The following HACD1 variants were observed in gnomAD, a reference collection of about 807,000 sequenced individuals.
HACD1 encodes 3-hydroxyacyl-CoA dehydratase 1, also known as very-long-chain (3R)-3-hydroxyacyl-CoA dehydratase 1.
Under a neutral mutation model 32.0 loss-of-function variants are expected in HACD1, and 41 were observed. The observed-to-expected ratio is 1.28, with a 90% CI of 1.00 to 1.66. HACD1 has a LOEUF of 1.66. Among genes scored for constraint, HACD1 ranks in the 40% most tolerant of loss-of-function variants. HACD1 has a pLI of 0.00. For synonymous variants in HACD1, 142 were observed against 139.0 expected (o/e 1.02, Z -0.15); for missense variants, 396 against 380.1 (o/e 1.04, Z -0.35).
At chr10:17,616,758 G>C (rs1406572669) in intron 1 of HACD1, among the ~76,000 whole-genome samples, 1 of 151,958 alleles carries the variant, frequency 6.6e-6, no homozygotes, top group Non-Finnish European at 1.5e-5. Flanking sequence ...AGGGCTGGGC[G>C]CTCCTTCAAC....
chr10:17,592,984 T>C (rs1293340262), intron 6 of HACD1, among the ~76,000 whole-genome samples: 2 of 152,130 alleles, frequency 1.3e-5, no homozygotes, highest in Non-Finnish European at 2.9e-5. Context: ...GGTGGATCCC[T>C]TGAGGTCAGG....
At position 17,594,287 on chromosome 10, in the gene HACD1, A is replaced by C; in HGVS notation, c.702T>G (p.Phe234Leu). The change falls in exon 6 of 7, where the codon TTT becomes TTG. Residue 234 changes from phenylalanine (F) to leucine (L), a missense_variant. Phe to Leu is a conservative substitution (Grantham distance 22, BLOSUM62 0). Transcript: ENST00000361271. ...ALPHVKKTGM[F>L]SIRLPNKYNV... ...TGTATTTGTTAGGAAGTCTTATTGA[A>C]AACATTCCTGTTTTCTTCACATGCG... The C allele has an allele frequency of 6.2e-7, 1 of 1,603,392 alleles. No homozygotes were observed. Among genetic ancestry groups the C allele is most frequent in the Admixed American group, 1.7e-5 (1 of 58,534 alleles).
chr10:17,614,915 G>A (rs1833051648), intron 1 of HACD1, among the ~76,000 whole-genome samples: 1 of 152,026 alleles, frequency 6.6e-6, no homozygotes, highest in Non-Finnish European at 1.5e-5. Context: ...ATGGCGCCCG[G>A]CTAATTTTTT....
chr10:17,594,443 G>T, intron 5 of HACD1, 60 bp from the exon 6 acceptor site: 1 of 1,274,948 alleles, frequency 7.8e-7, no homozygotes, highest in South Asian at 2.4e-5. Context: ...ACTTTACATT[G>T]CAGGTCTATT....
At chr10:17,601,466 A>G (rs1326396354) in intron 4 of HACD1, among the ~76,000 whole-genome samples, 1 of 152,218 alleles carries the variant, frequency 6.6e-6, no homozygotes. Context: ...CAAAAAATAA[A>G]TAGGAATATT....
Position 17,603,925 on chromosome 10 carries a change from C to G in HACD1, c.375+5G>C. Reference sequence around the variant, plus strand: ...AATAGAAAAACAGCATGATGGAAAACTTACCTCAAGCAAGGCAAATGTCTG... The same window carrying G: ...AATAGAAAAACAGCATGATGGAAAAGTTACCTCAAGCAAGGCAAATGTCTG... On this transcript the variant is annotated splice_donor_5th_base_variant and intron_variant, in intron 2 of 6. Coordinates refer to ENST00000361271, the MANE Select transcript of HACD1 (RefSeq NM_014241.4). 6.3e-7 allele frequency: 1 copy of G among 1,585,980 alleles called. No homozygotes were observed. Among genetic ancestry groups the G allele is most frequent in the Non-Finnish European group, 8.6e-7 (1 of 1,157,134 alleles).
At chr10:17,599,185 A>T in intron 5 of HACD1, 105 bp downstream of exon 5, 1 of 1,522,746 alleles carries the variant, frequency 6.6e-7, no homozygotes, top group Non-Finnish European at 8.8e-7. Flanking sequence ...CTATAACAGC[A>T]TTCTGGCATC....
At chr10:17,599,835 C>A (rs1554816337) in intron 4 of HACD1, among the ~76,000 whole-genome samples, 1 of 152,192 alleles carries the variant, frequency 6.6e-6, no homozygotes, top group Non-Finnish European at 1.5e-5. Flanking sequence ...CTCATCTTGA[C>A]TACTGTAACT....
intron 1 of HACD1, among the ~76,000 whole-genome samples, chr10:17,607,027 C>T (rs138570806): frequency 1.9e-3 from 288 of 152,282 alleles, no homozygotes; most frequent in African/African-American, 6.7e-3. Flanking sequence ...TAAGTATATA[C>T]TGTGCCCTGA....
At chr10:17,598,278 A>AG (rs1554816170) in intron 5 of HACD1, among the ~76,000 whole-genome samples, 4 of 146,476 alleles carry the variant, frequency 2.7e-5, no homozygotes, top group Admixed American at 6.9e-5. Flanking sequence ...AAAAAAAAAA[A>AG]AGAGAAAAAA....
intron 6 of HACD1, among the ~76,000 whole-genome samples, chr10:17,591,346 G>C (rs1331343358): frequency 1.3e-5 from 2 of 152,096 alleles, no homozygotes. Context: ...CATGCTCATT[G>C]CCCTCTGGGT....
At chr10:17,607,345 A>G (rs916748218) in intron 1 of HACD1, among the ~76,000 whole-genome samples, 1 of 152,224 alleles carries the variant, frequency 6.6e-6, no homozygotes, top group African/African-American at 2.4e-5. Flanking sequence ...GTGAGCGCCA[A>G]CACTGAACTG....
intron 1 of HACD1, among the ~76,000 whole-genome samples, chr10:17,616,598 A>G (rs1198319486): frequency 6.7e-6 from 1 of 149,536 alleles, no homozygotes; most frequent in Non-Finnish European, 1.5e-5. Flanking sequence ...TGGGGTGGTT[A>G]TTTCAAAATC....
chr10:17,612,931 A>C (rs1166498844), intron 1 of HACD1, among the ~76,000 whole-genome samples: 4 of 151,170 alleles, frequency 2.6e-5, no homozygotes, highest in Non-Finnish European at 5.9e-5. Flanking sequence ...AAAAAAAAAA[A>C]AACAAAAACA....
chr10:17,614,650 G>T (rs1258209365), intron 1 of HACD1, among the ~76,000 whole-genome samples: 1 of 152,100 alleles, frequency 6.6e-6, no homozygotes, highest in Non-Finnish European at 1.5e-5. Flanking sequence ...TCGGGGTTGG[G>T]GCTGTAGTAA....
chr10:17,602,285 G>A (rs1187292045), intron 4 of HACD1, among the ~76,000 whole-genome samples: 1 of 152,026 alleles, frequency 6.6e-6, no homozygotes, highest in East Asian at 1.9e-4. Context: ...AGCCAGGCTG[G>A]TCGCGAACTC....
Position 17,603,738 on chromosome 10 carries a change from G to T in HACD1, c.382C>A (p.His128Asn). ...FQTFALLEIV[H>N]CLIGIVPTSV... ...AGCAAAAACTCACCAATTAAACAGT[G>T]AACTATCTGTAAGCAAATAGAAAAA... is the stretch of plus-strand genomic sequence containing the variant. Residue 128 changes from histidine (H) to asparagine (N), a missense_variant, in exon 3 of 7, where the codon CAC (histidine) becomes AAC (asparagine). Coordinates refer to ENST00000361271, the MANE Select transcript of HACD1 (RefSeq NM_014241.4). The T allele has an allele frequency of 1.3e-6, 2 of 1,597,648 alleles. No homozygotes were observed. The highest frequency in any genetic ancestry group is 2.2e-5 in the South Asian group (2 of 90,380).
At chr10:17,606,266 C>A (rs1554817051) in intron 1 of HACD1, among the ~76,000 whole-genome samples, 1 of 152,198 alleles carries the variant, frequency 6.6e-6, no homozygotes, top group East Asian at 1.9e-4. Context: ...AGCTTATGTT[C>A]TGTGAATAAT....
chr10:17,604,499 A>T (rs1554816890), intron 1 of HACD1, among the ~76,000 whole-genome samples: 1 of 151,374 alleles, frequency 6.6e-6, no homozygotes, highest in East Asian at 1.9e-4. Flanking sequence ...AAAAAAAAAA[A>T]AGAAATGTGG....
Sources: allele counts gnomAD v4.1 joint callset (sites outside exome capture counted in the v4.1 genomes callset), GRCh38; gene constraint gnomAD v4.1.1; transcripts MANE v1.5; gene names NCBI Gene and HGNC (gene_info 2026-07-23, HGNC 2026-07-21).